Variants in NKTR observed in about 807,000 individuals in gnomAD.
NKTR encodes NK-tumor recognition protein.
NKTR carries 67 observed loss-of-function variants against 156.3 expected under a neutral mutation model. The ratio of observed to expected loss-of-function variants is 0.43; its 90% CI spans 0.35 to 0.53. The LOEUF (loss-of-function observed/expected upper bound fraction) is 0.53. Among genes scored for constraint, NKTR ranks in the 20% least tolerant of loss-of-function variants. The probability of loss-of-function intolerance (pLI) is 0.01; values close to 1 mark genes in which losing one functional copy is unlikely to be tolerated. For missense variants in NKTR, 1,604 were observed against 1,730.9 expected (o/e 0.93, Z 1.30); for synonymous variants, 640 against 596.6 (o/e 1.07, Z -1.06).
rs528288636 is a variant in NKTR at position 42,637,599 on chromosome 3, G to A, written c.1895G>A (p.Arg632Gln). ...GQKPWKPSYE[R>Q]IQEMKAKTTH... Reference sequence around the variant, plus strand: ...AAACCTTGGAAGCCCTCTTATGAGCGAATTCAGGAAATGAAAGCTAAAACA... The same window carrying A: ...AAACCTTGGAAGCCCTCTTATGAGCAAATTCAGGAAATGAAAGCTAAAACA... Residue 632 changes from arginine (R) to glutamine (Q), a missense_variant, in exon 13 of 17, where the codon CGA becomes CAA. This residue lies in a region of NKTR where 1,255 missense variants were observed against 1,243.7 expected (regional missense o/e 1.01). Coordinates refer to ENST00000232978, the MANE Select transcript of NKTR (RefSeq NM_005385.4). The A allele has an allele frequency of 1.6e-5, 26 of 1,609,670 alleles. No homozygotes were observed. The highest frequency in any genetic ancestry group is 2.0e-5 in the Non-Finnish European group (24 of 1,178,872).
intron 5 of NKTR, chr3:42,620,963 T>TA (rs1456001481): frequency 2.2e-6 from 2 of 919,892 alleles, no homozygotes; most frequent in East Asian, 1.2e-4. Flanking sequence ...TTTTTTGTCT[T>TA]ACAGTCTAGC....
chr3:42,648,322 A>G lies in NKTR; in HGVS notation c.*2347A>G, dbSNP rs566378314. 15 of 152,318 alleles carry G rather than the reference A, an allele frequency of 9.8e-5. No individual in the cohort carries two copies. The highest frequency in any genetic ancestry group is 8.5e-4 in the Admixed American group (13 of 15,298). The allele number at this position is 152,318 out of a possible 1,614,324, so 9.4% of individuals were successfully genotyped here. On this transcript the variant is annotated 3_prime_UTR_variant, in exon 17 of 17. Coordinates refer to ENST00000232978, the MANE Select transcript of NKTR (RefSeq NM_005385.4). ...TTTCAAATTCTGCCTACCACAGGCA[A>G]TAACTGCCCATCTCAGCTGTAGGTG...
chr3:42,645,784 C>A (rs1577608132), intron 16 of NKTR, 104 bp from the exon 17 acceptor site: 18 of 648,810 alleles, frequency 2.8e-5, no homozygotes, highest in East Asian at 2.8e-5. Context: ...GGCTTGAAAA[C>A]ACTATTGATG....
chr3:42,617,382 A>G (rs1177540177), intron 2 of NKTR, among the ~76,000 whole-genome samples, 188 bp from the exon 3 acceptor site: 1 of 152,188 alleles, frequency 6.6e-6, no homozygotes, highest in Non-Finnish European at 1.5e-5. Context: ...AATTTTAACA[A>G]TAACAAATAA....
At chr3:42,606,654 T>G (rs1447776811) in intron 2 of NKTR, among the ~76,000 whole-genome samples, 1 of 152,224 alleles carries the variant, frequency 6.6e-6, no homozygotes, top group Non-Finnish European at 1.5e-5. Context: ...CCAATTAATC[T>G]TTATGTAATC....
At chr3:42,630,633 A>G (rs1708809878) in intron 7 of NKTR, 58 bp downstream of exon 7, 2 of 1,610,370 alleles carry the variant, frequency 1.2e-6, no homozygotes, top group Admixed American at 1.7e-5. Flanking sequence ...CCATAAAGAG[A>G]GATTGGACCA....
At chr3:42,617,125 G>T (rs1398412060) in intron 2 of NKTR, among the ~76,000 whole-genome samples, 1 of 152,110 alleles carries the variant, frequency 6.6e-6, no homozygotes, top group African/African-American at 2.4e-5. Flanking sequence ...TTGCTTAAAG[G>T]AAGAAAGCTG....
rs1710421620 is a variant in NKTR, at chr3:42,647,354, A to G, written c.*1379A>G. 1 of 145,760 alleles carries G rather than the reference A, an allele frequency of 6.9e-6. No individual in the cohort carries two copies. The highest frequency in any genetic ancestry group is 2.2e-4 in the South Asian group (1 of 4,642). 9.0% of individuals were successfully genotyped at this position (145,760 alleles called of 1,614,324 possible). On this transcript the variant is annotated 3_prime_UTR_variant, in exon 17 of 17. Transcript: ENST00000232978. ...ATTTGTTCCCCAAGTGTACTTAATC[A>G]CCTTAGTGCCAGTTTAATCCAGTTA... is the stretch of plus-strand genomic sequence containing the variant.
At chr3:42,610,592 G>A (rs752201755) in intron 2 of NKTR, among the ~76,000 whole-genome samples, 6 of 150,564 alleles carry the variant, frequency 4.0e-5, no homozygotes, top group Non-Finnish European at 5.9e-5. Context: ...TTCTATCGTG[G>A]GATTTTTTTT....
rs1040599060 is a variant in NKTR at position 42,631,284 on chromosome 3, G to C, written c.518G>C (p.Cys173Ser). The C allele has an allele frequency of 9.9e-6, 16 of 1,613,648 alleles. No individual in the cohort carries two copies. Among genetic ancestry groups the C allele is most frequent in the Admixed American group, 1.7e-5 (1 of 59,942 alleles). Reference protein sequence around the residue: ...RPYADVRVIDCGVLATKSIKD... With the variant: ...RPYADVRVIDSGVLATKSIKD... ...TATGCAGATGTGCGAGTTATTGACT[G>C]TGGAGTACTTGCCACAAAATCAATA... The change falls in exon 8 of 17, where the codon TGT becomes TCT. Residue 173 changes from cysteine (C) to serine (S), a missense_variant. Cys to Ser is a moderately radical substitution (Grantham distance 112). Around this residue, in one of 6 missense-constraint regions of NKTR, gnomAD observed 61 missense variants for 113.3 expected, o/e 0.54. Coordinates refer to ENST00000232978, the MANE Select transcript of NKTR (RefSeq NM_005385.4).
rs950060448 is a variant in NKTR at position 42,639,758 on chromosome 3, A to C, written c.4046+8A>C. 3.8e-6 allele frequency: 6 copies of C among 1,571,906 alleles called. No homozygotes were observed. In the African/African-American group the frequency reaches 8.2e-5, roughly 21 times the overall value. On this transcript the variant is annotated splice_region_variant and intron_variant, in intron 13 of 16. Coordinates refer to ENST00000232978, the MANE Select transcript of NKTR (RefSeq NM_005385.4). ...TTCCACATCATCTTATCGGTGAGCA[A>C]TATTCTCTTTCCTTTCTTCTCCCAA...
intron 16 of NKTR, among the ~76,000 whole-genome samples, chr3:42,644,866 C>G (rs775617971): frequency 7.2e-5 from 11 of 152,174 alleles, no homozygotes; most frequent in Non-Finnish European, 1.0e-4. Flanking sequence ...CCATGTGCCT[C>G]TAAGACAGCC....
chr3:42,637,835 A>G lies in NKTR; in HGVS notation c.2131A>G (p.Ser711Gly), dbSNP rs1317689056. Reference sequence around the variant, plus strand: ...TTCCAGATCATATACAAGATCACGTAGTCTAGCTAGTTCACATTCAAGGTC... The same window carrying G: ...TTCCAGATCATATACAAGATCACGTGGTCTAGCTAGTTCACATTCAAGGTC... ...SYSRSYTRSR[S>G]LASSHSRSRS... The change falls in exon 13 of 17, where the codon AGT (serine) becomes GGT (glycine). Residue 711 changes from serine to glycine, a missense_variant. Physicochemically the swap from Ser to Gly is moderately conservative, Grantham distance 56. Transcript: ENST00000232978. 1.9e-6 allele frequency: 3 copies of G among 1,613,868 alleles called. No individual in the cohort carries two copies. Among genetic ancestry groups the G allele is most frequent in the Non-Finnish European group, 2.5e-6 (3 of 1,179,800 alleles).
intron 2 of NKTR, among the ~76,000 whole-genome samples, chr3:42,608,295 A>G (rs1321977975): frequency 6.6e-6 from 1 of 151,936 alleles, no homozygotes; most frequent in Admixed American, 6.6e-5. Context: ...CTTCTGACCA[A>G]CCAGCTGTAA....
At position 42,637,962 on chromosome 3, in the gene NKTR, G is replaced by A. The variant is rs1709567253; in HGVS notation, c.2258G>A (p.Arg753Lys). The A allele has an allele frequency of 1.2e-6, 2 of 1,613,974 alleles. No homozygotes were observed. Among genetic ancestry groups the A allele is most frequent in the Non-Finnish European group, 1.7e-6 (2 of 1,179,886 alleles). Residue 753 changes from arginine (R) to lysine (K), a missense_variant, in exon 13 of 17, where the codon AGG becomes AAG. By Grantham distance (26) the Arg-to-Lys change is conservative. This residue lies in a region of NKTR where 1,255 missense variants were observed against 1,243.7 expected (regional missense o/e 1.01). Coordinates refer to ENST00000232978, the MANE Select transcript of NKTR (RefSeq NM_005385.4). ...SYTSISSDDG[R>K]RAKRRLRSSG... ...ACTTCTATTAGCAGTGATGATGGAA[G>A]GCGAGCTAAGAGGAGACTTAGATCC... is the stretch of plus-strand genomic sequence containing the variant.
chr3:42,637,518 T>A lies in NKTR; in HGVS notation c.1814T>A (p.Ile605Asn). The A allele has an allele frequency of 6.2e-7, 1 of 1,614,092 alleles. No homozygotes were observed. Among genetic ancestry groups the A allele is most frequent in the Non-Finnish European group, 8.5e-7 (1 of 1,180,026 alleles). ...GTACAACCAGTTGTAGCAGAAAATA[T>A]TCCTGTAATACCACTGAGTGACAGT... Reference protein sequence around the residue: ...VVVQPVVAENIPVIPLSDSPP... With the variant: ...VVVQPVVAENNPVIPLSDSPP... The change falls in exon 13 of 17, where the codon ATT (isoleucine) becomes AAT (asparagine). Residue 605 changes from isoleucine to asparagine, a missense_variant. Physicochemically the swap from Ile to Asn is moderately radical, Grantham distance 149. This residue lies in a region of NKTR where 1,255 missense variants were observed against 1,243.7 expected (regional missense o/e 1.01). Transcript: ENST00000232978.
At chr3:42,617,515 TA>T in intron 2 of NKTR, 54 bp from the exon 3 acceptor site, 2 of 879,128 alleles carry the variant, frequency 2.3e-6, no homozygotes, top group Non-Finnish European at 3.8e-6. Flanking sequence ...TTCTCCCATT[TA>T]AATGTGATAT....
rs1709482090 is a variant in NKTR, at chr3:42,637,010, G to T, written c.1306G>T (p.Val436Phe). The change falls in exon 13 of 17, where the codon GTT (valine) becomes TTT (phenylalanine). Residue 436 changes from valine to phenylalanine, a missense_variant. Physicochemically the swap from Val to Phe is conservative, Grantham distance 50. This residue lies in a region of NKTR where 1,255 missense variants were observed against 1,243.7 expected (regional missense o/e 1.01). Transcript: ENST00000232978. ...TAAAAAACGCAGAAAAGAAAAAAAG[G>T]TTAAGCATAAAAAGAAAGGGAAAAA... is the stretch of plus-strand genomic sequence containing the variant. ...HHKKRRKEKK[V>F]KHKKKGKKQK... The T allele has an allele frequency of 1.2e-5, 19 of 1,612,870 alleles. No homozygotes were observed. Among genetic ancestry groups the T allele is most frequent in the Non-Finnish European group, 1.5e-5 (18 of 1,179,714 alleles).
chr3:42,614,833 G>T (rs1201838846), intron 2 of NKTR, among the ~76,000 whole-genome samples: 2 of 151,942 alleles, frequency 1.3e-5, no homozygotes, highest in Admixed American at 1.3e-4. Flanking sequence ...ACCTAATTAG[G>T]TTAATGTGTT....
Sources: gnomAD v4.1 joint callset for allele counts (sites outside exome capture counted in the v4.1 genomes callset) on GRCh38, gnomAD v4.1.1 for gene constraint, gnomAD v4.1.1 regional missense constraint, MANE v1.5 for transcripts, NCBI Gene and HGNC (gene_info 2026-07-23, HGNC 2026-07-21) for gene names.